DCAF17: variants seen among roughly 807,000 people sequenced by gnomAD.
The protein encoded by DCAF17 is DDB1- and CUL4-associated factor 17.
A neutral mutation model predicts 66.0 loss-of-function variants in DCAF17; 48 were observed. That is an observed-to-expected ratio of 0.73 (90% CI 0.58 to 0.92). The LOEUF (loss-of-function observed/expected upper bound fraction) is 0.92. DCAF17 is among the 40% of genes least tolerant of loss of function. The pLI is 0.00. For missense variants in DCAF17, 562 were observed against 622.8 expected (o/e 0.90, Z 1.04); for synonymous variants, 206 against 214.6 (o/e 0.96, Z 0.35).
chr2:171,460,290 T>C lies in DCAF17; in HGVS notation c.838+1813T>C, dbSNP rs970880881. On this transcript the variant is annotated intron_variant, in intron 8 of 13. Coordinates refer to ENST00000375255, the MANE Select transcript of DCAF17 (RefSeq NM_025000.4). ...GTGAGCCGAGATCGTGCCACTGCACTCTAGCCTGGGCGATTGAGCGAGATT... is the reference window on the plus strand; with the variant it reads ...GTGAGCCGAGATCGTGCCACTGCACCCTAGCCTGGGCGATTGAGCGAGATT... 2.8e-5 allele frequency among the ~76,000 whole-genome samples: 4 copies of C among 144,044 alleles called. No homozygotes were observed. In the Admixed American group the frequency reaches 2.9e-4, roughly 10 times the overall value. 94.5% of individuals were successfully genotyped at this position (144,044 alleles called of 152,430 possible).
rs1313603195 is a variant in DCAF17 at position 171,434,441 on chromosome 2, C to T, written c.-137C>T. 2 of 1,454,094 alleles carry T rather than the reference C, an allele frequency of 1.4e-6. No individual in the cohort carries two copies. Among genetic ancestry groups the T allele is most frequent in the Non-Finnish European group, 1.9e-6 (2 of 1,077,996 alleles). 90.1% of individuals were successfully genotyped at this position (1,454,094 alleles called of 1,614,324 possible). A position where few individuals can be genotyped will look rare whatever the true frequency, so the allele number is the denominator to read the frequency against. ...GCCGTCGGGTGCTCCCTGCCCGCCT[C>T]CCCGTGTCAGCTTTCCCTGGGCCCC... On this transcript the variant is annotated 5_prime_UTR_variant, in exon 1 of 14. Coordinates refer to ENST00000375255, the MANE Select transcript of DCAF17 (RefSeq NM_025000.4).
At chr2:171,461,311 C>A (rs1695573294) in intron 8 of DCAF17, among the ~76,000 whole-genome samples, 1 of 152,084 alleles carries the variant, frequency 6.6e-6, no homozygotes, top group Admixed American at 6.5e-5. Flanking sequence ...CCTGTAATCT[C>A]AGCTACTCAG....
rs1182460047 is a variant in DCAF17, at chr2:171,448,708, T to A, written c.349T>A (p.Tyr117Asn). The A allele has an allele frequency of 6.2e-7, 1 of 1,611,682 alleles. No individual in the cohort carries two copies. Among genetic ancestry groups the A allele is most frequent in the Non-Finnish European group, 8.5e-7 (1 of 1,179,018 alleles). The part of the protein sequence containing the change: ...VGDILPNSSD[Y>N]KSSLIALTAH... Reference sequence around the variant, plus strand: ...AGATATACTTCCCAATTCATCAGATTATAAGTCCTCACTCATAGCACTGAC... The same window carrying A: ...AGATATACTTCCCAATTCATCAGATAATAAGTCCTCACTCATAGCACTGAC... The change falls in exon 4 of 14, where the codon TAT becomes AAT. Residue 117 changes from tyrosine (Y) to asparagine (N), a missense_variant. This residue lies in a region of DCAF17 where 348 missense variants were observed against 355.9 expected (regional missense o/e 0.98). Transcript: ENST00000375255.
chr2:171,454,288 A>ATTT (rs1205261547), intron 6 of DCAF17, among the ~76,000 whole-genome samples: 1 of 144,562 alleles, frequency 6.9e-6, no homozygotes, highest in Non-Finnish European at 1.5e-5. Context: ...ATTATTATTA[A>ATTT]TTTTTTTTTT....
Position 171,483,400 on chromosome 2 carries a change from CGTTACGCTGAAA to C in DCAF17, c.*2287_*2298del, listed in dbSNP as rs767339694. ...GGTAGCTTCCATCAGCAGGTACAGA[CGTTACGCTGAAA>C]AGAGGTGCATTCTGCATTGCACTCC... On this transcript the variant is annotated 3_prime_UTR_variant, in exon 14 of 14. Coordinates refer to ENST00000375255, the MANE Select transcript of DCAF17 (RefSeq NM_025000.4). The C allele has an allele frequency of 4.4e-6, 2 of 454,086 alleles. No homozygotes were observed. The highest frequency in any genetic ancestry group is 3.1e-5 in the South Asian group (2 of 64,476). 28.1% of individuals were successfully genotyped at this position (454,086 alleles called of 1,614,324 possible).
intron 12 of DCAF17, among the ~76,000 whole-genome samples, chr2:171,478,445 A>G (rs1040960523): frequency 1.3e-5 from 2 of 152,094 alleles, no homozygotes; most frequent in African/African-American, 4.8e-5. Context: ...CTCATTTTTT[A>G]CTTGCTAGAC....
chr2:171,449,539 C>A (rs996153351), intron 4 of DCAF17, among the ~76,000 whole-genome samples: 3 of 152,138 alleles, frequency 2.0e-5, no homozygotes, highest in Non-Finnish European at 2.9e-5. Flanking sequence ...TGAATATGTT[C>A]ATGGAATGTG....
chr2:171,459,882 C>T (rs1361521065), intron 8 of DCAF17, among the ~76,000 whole-genome samples: 1 of 152,122 alleles, frequency 6.6e-6, no homozygotes, highest in African/African-American at 2.4e-5. Context: ...TCTAGCAATA[C>T]CTCCTGTATT....
intron 3 of DCAF17, among the ~76,000 whole-genome samples, chr2:171,445,190 T>A (rs1306288078): frequency 6.6e-6 from 1 of 151,966 alleles, no homozygotes; most frequent in Non-Finnish European, 1.5e-5. Context: ...AGTGGCGTGA[T>A]CTCCACTCAC....
intron 5 of DCAF17, among the ~76,000 whole-genome samples, chr2:171,450,668 T>C (rs897092849): frequency 3.3e-5 from 5 of 152,178 alleles, no homozygotes; most frequent in Non-Finnish European, 7.4e-5. Flanking sequence ...CAAATACTTA[T>C]TTTGTGTCTC....
intron 2 of DCAF17, among the ~76,000 whole-genome samples, chr2:171,436,356 A>G (rs1183220770): frequency 2.6e-5 from 4 of 152,346 alleles, no homozygotes; most frequent in African/African-American, 9.6e-5. Flanking sequence ...TTGGTAGGTC[A>G]TAAGATTATA....
chr2:171,469,926 C>T (rs1342521110), intron 9 of DCAF17, among the ~76,000 whole-genome samples: 1 of 152,190 alleles, frequency 6.6e-6, no homozygotes, highest in Non-Finnish European at 1.5e-5. Flanking sequence ...CTGCCACAAC[C>T]TCCTGAATAG....
chr2:171,444,554 A>G (rs905799164), intron 3 of DCAF17, among the ~76,000 whole-genome samples: 6 of 152,220 alleles, frequency 3.9e-5, no homozygotes, highest in African/African-American at 1.2e-4. Context: ...CTCATTATGC[A>G]TATGCAAATA....
At position 171,449,927 on chromosome 2, in the gene DCAF17, T is replaced by C. The variant is rs550953804; in HGVS notation, c.507T>C (p.Ala169=). ...AAGAAGTCATTGCAGTTAAGTCAGC[T>C]CAGAACAGAGGCTCAGCAGTGGCCC... is the stretch of plus-strand genomic sequence containing the variant. ...TPQEVIAVKS[A]QNRGSAVARQ... Residue 169 remains alanine (A), a synonymous_variant, in exon 5 of 14, where the codon GCT becomes GCC. Transcript: ENST00000375255. 19 of 1,613,908 alleles carry C rather than the reference T, an allele frequency of 1.2e-5. No individual in the cohort carries two copies. The highest frequency in any genetic ancestry group is 1.5e-5 in the Non-Finnish European group (18 of 1,179,856).
At chr2:171,453,049 T>C (rs1319390109) in intron 5 of DCAF17, 75 bp from the exon 6 acceptor site, 1 of 1,041,478 alleles carries the variant, frequency 9.6e-7, no homozygotes, top group African/African-American at 1.6e-5. Flanking sequence ...ACAGATGGAT[T>C]TTTTCAACTA....
At chr2:171,450,219 T>C (rs1159066155) in intron 5 of DCAF17, 1 of 402,888 alleles carries the variant, frequency 2.5e-6, no homozygotes, top group East Asian at 5.4e-5. Context: ...CAATTTACTC[T>C]GGAGACTCGG....
Position 171,443,538 on chromosome 2 carries a change from A to G in DCAF17, c.246A>G (p.Pro82=). 6.2e-7 allele frequency: 1 copy of G among 1,612,796 alleles called. No homozygotes were observed. Among genetic ancestry groups the G allele is most frequent in the South Asian group, 1.1e-5 (1 of 91,042 alleles). ...TTTTTCCCAGTGTTGCATCTGAGCC[A>G]AGAAAACTTTATGAAATGCCAAAAT... ...RRCVSSVASE[P]RKLYEMPKCS... The change falls in exon 3 of 14, where the codon CCA becomes CCG. Residue 82 remains proline (P), a synonymous_variant. Coordinates refer to ENST00000375255, the MANE Select transcript of DCAF17 (RefSeq NM_025000.4).
At chr2:171,466,727 G>GTTTTTTTTTTTT (rs74268270) in intron 8 of DCAF17, among the ~76,000 whole-genome samples, 1 of 133,634 alleles carries the variant, frequency 7.5e-6, no homozygotes, top group Non-Finnish European at 1.6e-5. Context: ...TGTTTGTACT[G>GTTTTTTTTTTTT]TTTTTTTTTT....
At chr2:171,465,197 C>T (rs763640307) in intron 8 of DCAF17, among the ~76,000 whole-genome samples, 1 of 135,262 alleles carries the variant, frequency 7.4e-6, no homozygotes, top group Non-Finnish European at 1.6e-5. Context: ...AACTCTGTCT[C>T]AAAAAGGAAA....
Sources: allele counts gnomAD v4.1 joint callset (sites outside exome capture counted in the v4.1 genomes callset), GRCh38; gene constraint gnomAD v4.1.1; regional missense constraint gnomAD v4.1.1; transcripts MANE v1.5; gene names NCBI Gene and HGNC (gene_info 2026-07-23, HGNC 2026-07-21).